Variants in NF1 observed in about 807,000 individuals in gnomAD.
The protein encoded by NF1 is neurofibromin 1.
Under a neutral mutation model 325.7 loss-of-function variants are expected in NF1, and 122 were observed. That is an observed-to-expected ratio of 0.37 (90% CI 0.32 to 0.44). The LOEUF (loss-of-function observed/expected upper bound fraction) is 0.44. Among genes scored for constraint, NF1 ranks in the 20% least tolerant of loss-of-function variants. The pLI, the probability that NF1 is intolerant of heterozygous loss-of-function variation, is 1.00. For missense variants in NF1, 2,140 were observed against 3,415.4 expected, an observed-to-expected ratio of 0.63 and a Z score of 9.31; for synonymous variants, 1,091 against 1,186.0, an observed-to-expected ratio of 0.92 and a Z score of 1.65.
In NF1 at chr17:31,325,988, C is replaced by G. The variant is rs751603479; in HGVS notation, c.5004C>G (p.Gly1668=). The change falls in exon 37 of 58, where the codon GGC becomes GGG. Residue 1668 remains glycine (G), a synonymous_variant. Transcript: ENST00000358273. ...CTAAGTGGTTTGTTGTTTTTCCTGGCTTTGCTTACGACAACGTCTCCGCAG... is the reference window on the plus strand; with the variant it reads ...CTAAGTGGTTTGTTGTTTTTCCTGGGTTTGCTTACGACAACGTCTCCGCAG... ...FLSKWFVVFP[G]FAYDNVSAVY... is the part of the protein sequence containing the mutation. 1.2e-5 allele frequency: 20 copies of G among 1,614,170 alleles called. No homozygotes were observed. The highest frequency in any genetic ancestry group is 1.5e-5 in the Non-Finnish European group (18 of 1,180,030).
chr17:31,364,920 A>G (rs1433182551), intron 57 of NF1, among the ~76,000 whole-genome samples: 3 of 152,198 alleles, frequency 2.0e-5, no homozygotes, highest in Non-Finnish European at 2.9e-5. Context: ...ATATATAAGG[A>G]TATTTCAGGT....
At chr17:31,118,940 T>C (rs935787936) in intron 1 of NF1, among the ~76,000 whole-genome samples, 7 of 149,708 alleles carry the variant, frequency 4.7e-5, no homozygotes, top group African/African-American at 1.7e-4. Flanking sequence ...CTCTCTCTCT[T>C]TTTTTTTTTT....
At chr17:31,304,176 A>C in intron 36 of NF1, 1 of 1,300,054 alleles carries the variant, frequency 7.7e-7, no homozygotes, top group Non-Finnish European at 1.1e-6. Flanking sequence ...AAAATTGACT[A>C]TCAGTTGCCA....
At position 31,146,753 on chromosome 17, in the gene NF1, C is replaced by A. The variant is rs143831677; in HGVS notation, c.61-9230C>A. Among the ~76,000 whole-genome samples, 22 of 152,340 alleles carry A rather than the reference C, an allele frequency of 1.4e-4. No homozygotes were observed. The East Asian group carries it at 4.2e-3, about 29-fold the overall frequency. On this transcript the variant is annotated intron_variant, in intron 1 of 57. Transcript: ENST00000358273. The stretch of plus-strand genomic sequence containing the variant: ...GGGGAGCCTGGAGCGAGAATGGGAG[C>A]CTGGGACAAGAATGGCTCTTCTGAG...
rs745622419 is a variant in NF1, at chr17:31,247,889, A to G, written c.3975-1095A>G. 4.4e-4 allele frequency among the ~76,000 whole-genome samples: 67 copies of G among 152,216 alleles called. 1 individual carries two copies. Among genetic ancestry groups the G allele is most frequent in the Admixed American group, 6.5e-4 (10 of 15,278 alleles). Reference sequence around the variant, plus strand: ...AAGATGAAAGTTGCCTTTTGTTACTATTGATGAAAAAAGTAAAGACCTACA... The same window carrying G: ...AAGATGAAAGTTGCCTTTTGTTACTGTTGATGAAAAAAGTAAAGACCTACA... On this transcript the variant is annotated intron_variant, in intron 29 of 57. Coordinates refer to ENST00000358273, the MANE Select transcript of NF1 (RefSeq NM_001042492.3).
At chr17:31,186,962 A>T (rs529777755) in intron 8 of NF1, among the ~76,000 whole-genome samples, 2 of 152,292 alleles carry the variant, frequency 1.3e-5, no homozygotes, top group African/African-American at 4.8e-5. Context: ...TGTTGATTAT[A>T]TTGGACCTCT....
chr17:31,175,290 G>A lies in NF1; in HGVS notation c.586+5293G>A, dbSNP rs1846588379. ...CCAGATGTTAACTGTGATTGTCTCTGAATGATAGAATCATTGATGGTTTTA... is the reference window on the plus strand; with the variant it reads ...CCAGATGTTAACTGTGATTGTCTCTAAATGATAGAATCATTGATGGTTTTA... On this transcript the variant is annotated intron_variant, in intron 5 of 57. Transcript: ENST00000358273. Among the ~76,000 whole-genome samples, 5 of 148,746 alleles carry A rather than the reference G, an allele frequency of 3.4e-5. 1 individual carries two copies. In the South Asian group the frequency reaches 1.1e-3, roughly 32 times the overall value.
At chr17:31,365,905 CAAAA>C (rs1391681568) in intron 57 of NF1, among the ~76,000 whole-genome samples, 1 of 149,498 alleles carries the variant, frequency 6.7e-6, no homozygotes, top group Non-Finnish European at 1.5e-5. Context: ...TGTTTTTAAA[CAAAA>C]CAAGTAAATT....
intron 34 of NF1, among the ~76,000 whole-genome samples, chr17:31,261,034 G>A (rs2151465513): frequency 6.6e-6 from 1 of 152,230 alleles, no homozygotes; most frequent in African/African-American, 2.4e-5. Flanking sequence ...CCTGAGGTCA[G>A]GAGTTCGAGA....
intron 38 of NF1, among the ~76,000 whole-genome samples, chr17:31,330,046 C>T (rs910964073): frequency 3.3e-5 from 5 of 152,182 alleles, no homozygotes; most frequent in Admixed American, 2.0e-4. Flanking sequence ...TACCCCGCCC[C>T]TCTGTCATAG....
intron 36 of NF1, chr17:31,317,788 G>A (rs9913669): frequency 6.6e-6 from 1 of 152,402 alleles, no homozygotes; most frequent in Non-Finnish European, 1.5e-5. Context: ...TCTAAAATTA[G>A]CTGTGTTGGT....
chr17:31,197,222 AT>A (rs2066449608), intron 8 of NF1, among the ~76,000 whole-genome samples: 1 of 150,232 alleles, frequency 6.7e-6, no homozygotes, highest in Non-Finnish European at 1.5e-5. Flanking sequence ...TTTTTTTTGT[AT>A]TTTTAGTAGA....
At chr17:31,119,498 A>C (rs1326195228) in intron 1 of NF1, among the ~76,000 whole-genome samples, 1 of 148,952 alleles carries the variant, frequency 6.7e-6, no homozygotes, top group Non-Finnish European at 1.5e-5. Context: ...TTCTTTGTAG[A>C]TTCTGGATAT....
In NF1 at chr17:31,375,945, G is replaced by C. The variant is rs2151603014; in HGVS notation, c.*1790G>C. On this transcript the variant is annotated 3_prime_UTR_variant, in exon 58 of 58. Coordinates refer to ENST00000358273, the MANE Select transcript of NF1 (RefSeq NM_001042492.3). ...TTATTAATGAGTTTACCATAGAATTGTTGGAAATACTGAAGACAGGTGCAA... is the reference window on the plus strand; with the variant it reads ...TTATTAATGAGTTTACCATAGAATTCTTGGAAATACTGAAGACAGGTGCAA... The C allele has an allele frequency of 4.3e-6, 1 of 233,054 alleles. No individual in the cohort carries two copies. The highest frequency in any genetic ancestry group is 1.8e-4 in the South Asian group (1 of 5,518). 14.4% of individuals were successfully genotyped at this position (233,054 alleles called of 1,614,324 possible).
intron 37 of NF1, 82 bp from the exon 38 acceptor site, chr17:31,327,416 TG>T: frequency 1.0e-6 from 1 of 965,972 alleles, no homozygotes; most frequent in Non-Finnish European, 1.6e-6. Flanking sequence ...TTTGTTTGGT[TG>T]GTTGGTTTCT....
intron 57 of NF1, among the ~76,000 whole-genome samples, chr17:31,372,350 G>T (rs2070658558): frequency 6.6e-6 from 1 of 152,094 alleles, no homozygotes. Context: ...TGTACATTTT[G>T]ATACAAATTA....
At chr17:31,308,723 A>G (rs555227174) in intron 36 of NF1, among the ~76,000 whole-genome samples, 3 of 152,146 alleles carry the variant, frequency 2.0e-5, no homozygotes, top group African/African-American at 7.2e-5. Context: ...ACCTCAGTTT[A>G]AATTCCCCTT....
At position 31,213,993 on chromosome 17, in the gene NF1, A is replaced by C. The variant is rs192443261; in HGVS notation, c.1393-458A>C. ...GTTTTTCATTCCTTTTGGGACATCA[A>C]ATAATGATGCATCTTACAATTGATA... On this transcript the variant is annotated intron_variant, in intron 12 of 57. Transcript: ENST00000358273. 2.6e-5 allele frequency among the ~76,000 whole-genome samples: 4 copies of C among 152,272 alleles called. No individual in the cohort carries two copies. In the East Asian group the frequency reaches 7.7e-4, roughly 29 times the overall value.
intron 36 of NF1, chr17:31,307,775 T>C (rs1042756114): frequency 1.6e-6 from 1 of 622,118 alleles, no homozygotes; most frequent in Non-Finnish European, 2.5e-6. Flanking sequence ...AATCTTAGGG[T>C]GTTAGATATT....
Sources: allele counts gnomAD v4.1 joint callset (sites outside exome capture counted in the v4.1 genomes callset), GRCh38; gene constraint gnomAD v4.1.1; transcripts MANE v1.5; gene names NCBI Gene and HGNC (gene_info 2026-07-23, HGNC 2026-07-21).